The following AP5Z1 variants were observed in gnomAD, a reference collection of about 807,000 sequenced individuals.
AP5Z1 encodes adaptor related protein complex 5 subunit zeta 1.
In AP5Z1, 106 loss-of-function variants were observed where a neutral mutation model predicts 83.0. The observed-to-expected ratio is 1.28, with a 90% confidence interval of 1.09 to 1.50. The LOEUF (loss-of-function observed/expected upper bound fraction) is 1.50, where lower values mean the gene tolerates loss of function less well. Ranked by LOEUF, AP5Z1 falls within the 40% of genes most tolerant of loss-of-function variation. AP5Z1 has a pLI of 0.00. For missense variants in AP5Z1, 1,565 were observed against 1,094.2 expected (o/e 1.43, Z -6.07); for synonymous variants, 751 against 514.1 (o/e 1.46, Z -6.23).
chr7:4,788,904 C>G lies in AP5Z1; in HGVS notation c.1660C>G (p.Gln554Glu), dbSNP rs772628303. The change falls in exon 13 of 17, where the codon CAG becomes GAG. Residue 554 changes from glutamine (Q) to glutamate (E), a missense_variant. Gln to Glu is a conservative substitution (Grantham distance 29, BLOSUM62 2). Transcript: ENST00000649063. ...CTGTGCCCGCGTGGCCCAGTGTGCC[C>G]AGGCCGTGCCCACGCTGCTGCAGGC... Reference protein sequence around the residue: ...AGCARVAQCAQAVPTLLQAFF... With the variant: ...AGCARVAQCAEAVPTLLQAFF... The G allele has an allele frequency of 6.2e-7, 1 of 1,611,364 alleles. No homozygotes were observed. Among genetic ancestry groups the G allele is most frequent in the Admixed American group, 1.7e-5 (1 of 59,948 alleles).
At position 4,779,057 on chromosome 7, in the gene AP5Z1, T is replaced by C. The variant is rs565658935; in HGVS notation, c.42-2118T>C. 4.0e-4 allele frequency among the ~76,000 whole-genome samples: 58 copies of C among 146,008 alleles called. No homozygotes were observed. In the South Asian group the frequency reaches 0.012, roughly 30 times the overall value. ...AAAAATATATATATAGATAGATAGA[T>C]AGATATAAAAATATATTTTTATATG... is the stretch of plus-strand genomic sequence containing the variant. On this transcript the variant is annotated intron_variant, in intron 1 of 16. Coordinates refer to ENST00000649063, the MANE Select transcript of AP5Z1 (RefSeq NM_014855.3).
chr7:4,785,429 G>A lies in AP5Z1; in HGVS notation c.946G>A (p.Gly316Arg). 4 of 1,613,370 alleles carry A rather than the reference G, an allele frequency of 2.5e-6. No homozygotes were observed. The highest frequency in any genetic ancestry group is 3.4e-6 in the Non-Finnish European group (4 of 1,179,664). Reference sequence around the variant, plus strand: ...CCTCCTTCCAGGAGCCCTGAGGAAGGGGGACTCCGACCTGCAGAAAGCTGT... The same window carrying A: ...CCTCCTTCCAGGAGCCCTGAGGAAGAGGGACTCCGACCTGCAGAAAGCTGT... ...EQSNRRALRKGDSDLQKACLV... is the reference protein window; with the variant it reads ...EQSNRRALRKRDSDLQKACLV... Residue 316 changes from glycine to arginine, a missense_variant, in exon 8 of 17, where the codon GGG (glycine) becomes AGG (arginine). Physicochemically the swap from Gly to Arg is moderately radical, Grantham distance 125 (BLOSUM62 -2). Coordinates refer to ENST00000649063, the MANE Select transcript of AP5Z1 (RefSeq NM_014855.3).
Position 4,781,588 on chromosome 7 carries a change from A to T in AP5Z1, c.200A>T (p.Asp67Val), listed in dbSNP as rs757047764. ...YSRRLEKTCV[D>V]LLQATLGLPA... ...TCCAGGCTGGAGAAGACATGCGTAG[A>T]CCTGCTGCAGGCCACCCTCGGCCTG... The change falls in exon 3 of 17, where the codon GAC (aspartate) becomes GTC (valine). Residue 67 changes from aspartate to valine, a missense_variant. Coordinates refer to ENST00000649063, the MANE Select transcript of AP5Z1 (RefSeq NM_014855.3). The T allele has an allele frequency of 2.5e-6, 4 of 1,608,982 alleles. No homozygotes were observed. Among genetic ancestry groups the T allele is most frequent in the Admixed American group, 1.7e-5 (1 of 59,946 alleles).
At chr7:4,788,016 G>A (rs902791454) in intron 11 of AP5Z1, 138 bp from the exon 12 acceptor site, 2 of 1,356,850 alleles carry the variant, frequency 1.5e-6, no homozygotes, top group Non-Finnish European at 1.9e-6. Context: ...GCCCAGGCCT[G>A]GAGCCTCCCA....
intron 1 of AP5Z1, among the ~76,000 whole-genome samples, chr7:4,777,469 C>A (rs1046554280): frequency 1.3e-5 from 2 of 152,060 alleles, no homozygotes; most frequent in African/African-American, 4.8e-5. Flanking sequence ...TTCACTGCAA[C>A]CTCCGCCTCC....
In AP5Z1 at chr7:4,789,815, C is replaced by T. The variant is rs1180814879; in HGVS notation, c.1708-17C>T. ...GTGGGGGTGGGGCTGAGCCTGTTTCCCACTCCTGACCCCCAGGTGGCTGAC... is the reference window on the plus strand; with the variant it reads ...GTGGGGGTGGGGCTGAGCCTGTTTCTCACTCCTGACCCCCAGGTGGCTGAC... On this transcript the variant is annotated splice_polypyrimidine_tract_variant and intron_variant, in intron 13 of 16. Coordinates refer to ENST00000649063, the MANE Select transcript of AP5Z1 (RefSeq NM_014855.3). 1.9e-6 allele frequency: 3 copies of T among 1,549,260 alleles called. No individual in the cohort carries two copies. Among genetic ancestry groups the T allele is most frequent in the Non-Finnish European group, 2.6e-6 (3 of 1,145,894 alleles).
At chr7:4,776,601 G>C (rs1428343582) in intron 1 of AP5Z1, among the ~76,000 whole-genome samples, 2 of 151,926 alleles carry the variant, frequency 1.3e-5, no homozygotes, top group East Asian at 1.9e-4. Flanking sequence ...CGGGCGTGGT[G>C]GTGGGTGACT....
rs940808976 is a variant in AP5Z1 at position 4,775,695 on chromosome 7, G to A, written c.-21G>A. The A allele has an allele frequency of 1.2e-6, 2 of 1,606,756 alleles. No individual in the cohort carries two copies. The highest frequency in any genetic ancestry group is 1.7e-6 in the Non-Finnish European group (2 of 1,179,702). Reference sequence around the variant, plus strand: ...CTCCTGGAGTTTCCGAGGTTCGTGCGCGTCTGGTGGCGGCGGCGTGATGTT... The same window carrying A: ...CTCCTGGAGTTTCCGAGGTTCGTGCACGTCTGGTGGCGGCGGCGTGATGTT... On this transcript the variant is annotated 5_prime_UTR_variant, in exon 1 of 17. Coordinates refer to ENST00000649063, the MANE Select transcript of AP5Z1 (RefSeq NM_014855.3).
intron 10 of AP5Z1, 80 bp from the exon 11 acceptor site, chr7:4,787,554 T>C: frequency 6.7e-7 from 1 of 1,501,502 alleles, no homozygotes; most frequent in Non-Finnish European, 8.9e-7. Context: ...GGGACAGCTG[T>C]GGGGCCCTAG....
chr7:4,781,044 G>A (rs958095315), intron 1 of AP5Z1, 131 bp from the exon 2 acceptor site: 9 of 1,205,854 alleles, frequency 7.5e-6, no homozygotes, highest in Admixed American at 5.3e-5. Context: ...GCCATGAGCC[G>A]TGGAACCGTG....
intron 1 of AP5Z1, among the ~76,000 whole-genome samples, chr7:4,776,658 C>G (rs917738733): frequency 1.3e-5 from 2 of 151,934 alleles, no homozygotes; most frequent in Non-Finnish European, 2.9e-5. Context: ...TTGCTTGAAC[C>G]TGTGAGGTGG....
intron 1 of AP5Z1, among the ~76,000 whole-genome samples, chr7:4,779,045 T>G (rs1781300112): frequency 7.4e-6 from 1 of 135,134 alleles, no homozygotes; most frequent in Non-Finnish European, 1.7e-5. Context: ...AATATATATA[T>G]AGATAGATAG....
In AP5Z1 at chr7:4,785,584, C is replaced by T. The variant is rs1188442099; in HGVS notation, c.1032C>T (p.Tyr344=). ...GCCGGCAGGACCCGTCCTTCCTGTACCGAAGTCTCTCCTGCCTGAAGGCCC... is the reference window on the plus strand; with the variant it reads ...GCCGGCAGGACCCGTCCTTCCTGTATCGAAGTCTCTCCTGCCTGAAGGCCC... ...VLCRQDPSFL[Y]RSLSCLKALH... The change falls in exon 9 of 17, where the codon TAC becomes TAT. Residue 344 remains tyrosine (Y), a synonymous_variant. Transcript: ENST00000649063. 8 of 1,605,232 alleles carry T rather than the reference C, an allele frequency of 5.0e-6. No homozygotes were observed. Among genetic ancestry groups the T allele is most frequent in the Middle Eastern group, 1.7e-4 (1 of 6,048 alleles).
At chr7:4,789,215 C>T (rs1781663479) in intron 13 of AP5Z1, among the ~76,000 whole-genome samples, 1 of 152,062 alleles carries the variant, frequency 6.6e-6, no homozygotes, top group Admixed American at 6.5e-5. Flanking sequence ...TCCCCCAATC[C>T]CCGTCCCATC....
At chr7:4,786,125 G>A (rs191857278) in intron 9 of AP5Z1, 125 bp from the exon 10 acceptor site, 132 of 995,122 alleles carry the variant, frequency 1.3e-4, no homozygotes, top group Admixed American at 1.1e-3. Context: ...GCGTCCCAGC[G>A]TAGGACGCCT....
At chr7:4,784,876 G>T in intron 6 of AP5Z1, 32 bp from the exon 7 acceptor site, 1 of 1,596,328 alleles carries the variant, frequency 6.3e-7, no homozygotes, top group Non-Finnish European at 8.6e-7. Flanking sequence ...GGAGCCACAC[G>T]TCAGCCTGCT....
intron 13 of AP5Z1, 42 bp downstream of exon 13, chr7:4,788,993 C>T (rs1040008136): frequency 1.3e-6 from 2 of 1,557,098 alleles, no homozygotes; most frequent in Non-Finnish European, 1.8e-6. Flanking sequence ...ACAGGCCTCA[C>T]AACTGAGGGG....
chr7:4,786,760 G>A (rs534136841), intron 10 of AP5Z1, among the ~76,000 whole-genome samples: 1 of 151,944 alleles, frequency 6.6e-6, no homozygotes, highest in African/African-American at 2.4e-5. Context: ...TGGGCACTTG[G>A]GTGCCATTTG....
intron 13 of AP5Z1, chr7:4,789,183 C>G: frequency 4.1e-6 from 2 of 487,632 alleles, no homozygotes; most frequent in Non-Finnish European, 7.4e-6. Flanking sequence ...CCGTCCCATC[C>G]CCTTCATCCC....
Sources: allele counts gnomAD v4.1 joint callset (sites outside exome capture counted in the v4.1 genomes callset), GRCh38; gene constraint gnomAD v4.1.1; transcripts MANE v1.5; gene names NCBI Gene and HGNC (gene_info 2026-07-23, HGNC 2026-07-21).